The following MAML3 variants were observed in gnomAD, a reference collection of about 807,000 sequenced individuals.
MAML3 encodes mastermind-like protein 3.
MAML3 carries 27 observed loss-of-function variants against 101.9 expected under a neutral mutation model. That is an observed-to-expected ratio of 0.27 (90% CI 0.20 to 0.37). The LOEUF is 0.37. Ranked by LOEUF, MAML3 falls within the 10% of genes least tolerant of loss-of-function variation. The pLI is 1.00. For synonymous variants in MAML3, 501 were observed against 555.9 expected (o/e 0.90, Z 1.39); for missense variants, 1,316 against 1,444.9 (o/e 0.91, Z 1.45).
chr4:139,812,972 TAAAA>T (rs36096630), intron 2 of MAML3, among the ~76,000 whole-genome samples: 1 of 128,250 alleles, frequency 7.8e-6, no homozygotes, highest in Admixed American at 7.9e-5. Flanking sequence ...CTCAGAAATG[TAAAA>T]AAAAAAAAAA....
chr4:139,882,724 C>G (rs1048375209), intron 2 of MAML3, among the ~76,000 whole-genome samples: 11 of 152,136 alleles, frequency 7.2e-5, no homozygotes, highest in African/African-American at 2.4e-4. Context: ...TGGCACGCAC[C>G]TGTAATCCCA....
intron 1 of MAML3, among the ~76,000 whole-genome samples, chr4:139,915,453 C>G (rs1733008630): frequency 6.6e-6 from 1 of 152,194 alleles, no homozygotes; most frequent in Non-Finnish European, 1.5e-5. Context: ...TATGTTTAAA[C>G]CTAACGTTCA....
At chr4:139,726,145 G>A (rs111997291) in intron 3 of MAML3, among the ~76,000 whole-genome samples, 1 of 152,190 alleles carries the variant, frequency 6.6e-6, no homozygotes, top group South Asian at 2.1e-4. Context: ...TAACAACATA[G>A]AGCAGTTATG....
chr4:140,064,458 A>G (rs1298978905), intron 1 of MAML3, among the ~76,000 whole-genome samples: 1 of 152,216 alleles, frequency 6.6e-6, no homozygotes, highest in South Asian at 2.1e-4. Flanking sequence ...GTGGCACATA[A>G]AAGTGCTTTA....
chr4:140,127,365 T>C (rs1728700563), intron 1 of MAML3, among the ~76,000 whole-genome samples: 1 of 152,200 alleles, frequency 6.6e-6, no homozygotes, highest in South Asian at 2.1e-4. Context: ...AGCGGTGCCA[T>C]GTGGCCAGTC....
intron 2 of MAML3, among the ~76,000 whole-genome samples, chr4:139,811,958 G>A (rs962202649): frequency 6.6e-6 from 1 of 152,176 alleles, no homozygotes; most frequent in Non-Finnish European, 1.5e-5. Flanking sequence ...GTTAGCTAAT[G>A]TATGTTAATA....
intron 2 of MAML3, among the ~76,000 whole-genome samples, chr4:139,874,805 CTTTTT>C (rs35089838): frequency 7.5e-6 from 1 of 133,100 alleles, no homozygotes; most frequent in East Asian, 2.2e-4. Context: ...CCTATCTTTC[CTTTTT>C]TTTTTTTTTT....
intron 2 of MAML3, among the ~76,000 whole-genome samples, chr4:139,885,404 T>C (rs1366072665): frequency 4.6e-5 from 7 of 151,588 alleles, no homozygotes; most frequent in Non-Finnish European, 1.5e-5. Context: ...AGACTCTTTC[T>C]CAAAAAAAGA....
chr4:139,951,551 C>T (rs954049890), intron 1 of MAML3, among the ~76,000 whole-genome samples: 8 of 152,122 alleles, frequency 5.3e-5, no homozygotes, highest in Admixed American at 2.6e-4. Context: ...TGGGGGCTGA[C>T]GCATGCAGAG....
intron 1 of MAML3, among the ~76,000 whole-genome samples, chr4:140,098,184 T>C (rs1432347639): frequency 6.6e-6 from 1 of 152,220 alleles, no homozygotes; most frequent in African/African-American, 2.4e-5. Flanking sequence ...ACCCAAACAA[T>C]ATTGTGATAA....
chr4:139,909,866 C>T (rs777158488), intron 1 of MAML3, among the ~76,000 whole-genome samples: 75 of 125,250 alleles, frequency 6.0e-4, no homozygotes, highest in Non-Finnish European at 1.1e-3. Context: ...AAAGATAAGG[C>T]CGTAGAAATG....
intron 2 of MAML3, among the ~76,000 whole-genome samples, chr4:139,830,353 T>A (rs1176291590): frequency 1.3e-5 from 2 of 151,980 alleles, no homozygotes; most frequent in African/African-American, 4.8e-5. Context: ...ACAATTTATA[T>A]CTCTGGAAAT....
Position 139,889,817 on chromosome 4 carries a change from G to A in MAML3, c.1619C>T (p.Pro540Leu). ...AAFTAEKPNS[P>L]MMYPQAFNNQ... ...GTTAAAGGCTTGGGGGTACATCATT[G>A]GGCTATTTGGTTTTTCTGCAGTAAA... The change falls in exon 2 of 5, where the codon CCA (proline) becomes CTA (leucine). Residue 540 changes from proline (P) to leucine (L), a missense_variant. By Grantham distance (98) the Pro-to-Leu change is moderately conservative. Transcript: ENST00000509479. 1 of 1,613,924 alleles carries A rather than the reference G, an allele frequency of 6.2e-7. No individual in the cohort carries two copies. Among genetic ancestry groups the A allele is most frequent in the Non-Finnish European group, 8.5e-7 (1 of 1,179,886 alleles).
intron 1 of MAML3, among the ~76,000 whole-genome samples, chr4:139,913,741 C>T (rs1049221071): frequency 3.3e-5 from 5 of 152,136 alleles, no homozygotes; most frequent in Non-Finnish European, 7.4e-5. Flanking sequence ...ACGGCGGGCG[C>T]CCCTTGGAAG....
At chr4:139,863,343 C>CCT (rs1553960926) in intron 2 of MAML3, among the ~76,000 whole-genome samples, 2 of 120,552 alleles carry the variant, frequency 1.7e-5, no homozygotes, top group Admixed American at 1.9e-4. Flanking sequence ...TTCCTGTGCC[C>CCT]TTTTTTTTTT....
chr4:139,750,819 C>T (rs1729476961), intron 2 of MAML3, among the ~76,000 whole-genome samples: 1 of 152,184 alleles, frequency 6.6e-6, no homozygotes, highest in South Asian at 2.1e-4. Flanking sequence ...TCATCACTAC[C>T]TCCCACTCCC....
intron 1 of MAML3, among the ~76,000 whole-genome samples, chr4:140,132,578 A>C (rs1340384394): frequency 6.6e-6 from 1 of 152,194 alleles, no homozygotes; most frequent in Non-Finnish European, 1.5e-5. Flanking sequence ...TTTGAACACT[A>C]CTCAGAAGCA....
intron 2 of MAML3, among the ~76,000 whole-genome samples, chr4:139,747,926 T>C (rs545081868): frequency 5.4e-4 from 81 of 151,286 alleles, no homozygotes; most frequent in Non-Finnish European, 1.0e-3. Context: ...TGGTGGTGGA[T>C]GCCTATAATC....
intron 2 of MAML3, among the ~76,000 whole-genome samples, chr4:139,887,911 A>G (rs543865123): frequency 6.6e-6 from 1 of 152,348 alleles, no homozygotes; most frequent in Non-Finnish European, 1.5e-5. Flanking sequence ...AATGGTATAT[A>G]TTCTTAATGA....
Sources: allele counts gnomAD v4.1 joint callset (sites outside exome capture counted in the v4.1 genomes callset), GRCh38; gene constraint gnomAD v4.1.1; transcripts MANE v1.5; gene names NCBI Gene and HGNC (gene_info 2026-07-23, HGNC 2026-07-21).